Variants in DLGAP2 observed in about 807,000 individuals in gnomAD.
DLGAP2 encodes disks large-associated protein 2.
In DLGAP2, 26 loss-of-function variants were observed where a neutral mutation model predicts 100.3. The ratio of observed to expected loss-of-function variants is 0.26; its 90% CI spans 0.19 to 0.36. The LOEUF (loss-of-function observed/expected upper bound fraction) is 0.36, where lower values mean the gene tolerates loss of function less well. Ranked by LOEUF, DLGAP2 falls within the 10% of genes least tolerant of loss-of-function variation. DLGAP2 has a pLI of 1.00. For missense variants in DLGAP2, 1,858 were observed against 1,453.2 expected, an observed-to-expected ratio of 1.28 and a Z score of -4.53; for synonymous variants, 886 against 630.1, an observed-to-expected ratio of 1.41 and a Z score of -6.08.
intron 2 of DLGAP2, among the ~76,000 whole-genome samples, chr8:926,151 G>A (rs979767008): frequency 2.0e-5 from 3 of 152,156 alleles, no homozygotes; most frequent in African/African-American, 4.8e-5. Flanking sequence ...GACAGTGAGC[G>A]GCTCGCCTGT....
intron 2 of DLGAP2, among the ~76,000 whole-genome samples, chr8:1,026,998 A>G (rs986560727): frequency 6.6e-6 from 1 of 152,284 alleles, no homozygotes; most frequent in African/African-American, 2.4e-5. Flanking sequence ...TTAACCAAAT[A>G]AGAATCACAT....
chr8:1,208,950 C>G (rs1034707356), intron 2 of DLGAP2, among the ~76,000 whole-genome samples: 1 of 151,328 alleles, frequency 6.6e-6, no homozygotes, highest in Admixed American at 6.6e-5. Context: ...TGTGAAAAAC[C>G]TCTACACCTC....
chr8:1,590,320 G>A (rs143511327), intron 6 of DLGAP2, among the ~76,000 whole-genome samples: 351 of 152,272 alleles, frequency 2.3e-3, no homozygotes, highest in African/African-American at 7.7e-3. Flanking sequence ...CAATCGCGTC[G>A]CCAGGATAAT....
chr8:1,603,489 A>C (rs973585546), intron 6 of DLGAP2, among the ~76,000 whole-genome samples: 1 of 150,446 alleles, frequency 6.6e-6, no homozygotes, highest in Non-Finnish European at 1.5e-5. Flanking sequence ...GTTAGAGTGG[A>C]GGATGGGTCT....
intron 2 of DLGAP2, among the ~76,000 whole-genome samples, chr8:1,184,660 C>T (rs543473293): frequency 6.6e-6 from 1 of 152,132 alleles, no homozygotes; most frequent in East Asian, 1.9e-4. Flanking sequence ...AGGCAGCACC[C>T]TCGGAGTTTG....
At chr8:1,008,066 G>C (rs914385860) in intron 2 of DLGAP2, among the ~76,000 whole-genome samples, 1 of 152,198 alleles carries the variant, frequency 6.6e-6, no homozygotes, top group African/African-American at 2.4e-5. Flanking sequence ...CTCCAGGCTA[G>C]AATAAGTTTT....
chr8:820,239 G>A (rs1271745843), intron 1 of DLGAP2, among the ~76,000 whole-genome samples: 1 of 152,196 alleles, frequency 6.6e-6, no homozygotes, highest in Non-Finnish European at 1.5e-5. Context: ...ATTAAAGATA[G>A]TTACTGAAAG....
chr8:1,218,210 T>C (rs1267301285), intron 2 of DLGAP2, among the ~76,000 whole-genome samples: 2 of 152,246 alleles, frequency 1.3e-5, no homozygotes, highest in Non-Finnish European at 2.9e-5. Flanking sequence ...CCAGATTTTT[T>C]ATAGTTTTAG....
chr8:817,013 C>T (rs531115592), intron 1 of DLGAP2, among the ~76,000 whole-genome samples: 17 of 152,154 alleles, frequency 1.1e-4, no homozygotes, highest in South Asian at 2.1e-4. Flanking sequence ...CGGTGGTGGG[C>T]GCCTGTAGTC....
chr8:901,413 A>G (rs959392702), intron 1 of DLGAP2, among the ~76,000 whole-genome samples: 1 of 152,250 alleles, frequency 6.6e-6, no homozygotes, highest in African/African-American at 2.4e-5. Flanking sequence ...CTTTATTGAT[A>G]AAAAGTAAAG....
At chr8:1,258,716 A>C in intron 2 of DLGAP2, 135 bp from the exon 3 acceptor site, 2 of 664,038 alleles carry the variant, frequency 3.0e-6, no homozygotes, top group East Asian at 3.4e-5. Flanking sequence ...TGTTTATGGA[A>C]GGGTCCACTG....
At chr8:1,026,217 G>A (rs941753216) in intron 2 of DLGAP2, among the ~76,000 whole-genome samples, 3 of 152,182 alleles carry the variant, frequency 2.0e-5, no homozygotes, top group African/African-American at 7.2e-5. Flanking sequence ...GTGCTGTCTC[G>A]TTGGTGGAGA....
chr8:915,643 A>G (rs559979024), intron 2 of DLGAP2, among the ~76,000 whole-genome samples: 10 of 152,216 alleles, frequency 6.6e-5, no homozygotes, highest in African/African-American at 2.2e-4. Context: ...GAATTCCCGA[A>G]TCACACGGCT....
At position 1,270,641 on chromosome 8, in the gene DLGAP2, T is replaced by A. The variant is rs567707289; in HGVS notation, c.106+11758T>A. On this transcript the variant is annotated intron_variant, in intron 3 of 14. Coordinates refer to ENST00000637795, the MANE Select transcript of DLGAP2 (RefSeq NM_001346810.2). The stretch of plus-strand genomic sequence containing the variant: ...ACCCTGACGTTCTCCCAGTAAAATT[T>A]CCTTTGCCTTAAAATTGTGTGTCTC... Among the ~76,000 whole-genome samples the A allele has an allele frequency of 1.4e-4, 22 of 152,196 alleles. No homozygotes were observed. In the South Asian group the frequency reaches 3.3e-3, roughly 23 times the overall value.
Position 1,565,707 on chromosome 8 carries a change from T to C in DLGAP2, c.1255T>C (p.Tyr419His). The change falls in exon 6 of 15, where the codon TAC (tyrosine) becomes CAC (histidine). Residue 419 changes from tyrosine (Y) to histidine (H), a missense_variant. Transcript: ENST00000637795. The part of the protein sequence containing the change: ...LQVPQDEWGG[Y>H]PTGGKDEEIP... Reference sequence around the variant, plus strand: ...GGTACCTCAGGATGAGTGGGGAGGGTACCCCACCGGTGGCAAAGATGAGGA... The same window carrying C: ...GGTACCTCAGGATGAGTGGGGAGGGCACCCCACCGGTGGCAAAGATGAGGA... The C allele has an allele frequency of 2.5e-6, 4 of 1,612,852 alleles. No homozygotes were observed. The highest frequency in any genetic ancestry group is 2.2e-5 in the East Asian group (1 of 44,804).
intron 8 of DLGAP2, among the ~76,000 whole-genome samples, chr8:1,648,252 T>A (rs1276373193): frequency 6.6e-6 from 1 of 152,228 alleles, no homozygotes; most frequent in Non-Finnish European, 1.5e-5. Context: ...CTGTTAGCCT[T>A]GGCATCGACT....
intron 3 of DLGAP2, among the ~76,000 whole-genome samples, chr8:1,268,621 T>G (rs995673303): frequency 9.2e-5 from 14 of 152,240 alleles, no homozygotes; most frequent in Non-Finnish European, 5.9e-5. Context: ...CAAGTATCCT[T>G]AAGAGAATTC....
chr8:744,409 G>T (rs1820563714), intron 1 of DLGAP2, among the ~76,000 whole-genome samples: 2 of 152,202 alleles, frequency 1.3e-5, no homozygotes, highest in South Asian at 4.1e-4. Flanking sequence ...GATCTGAATG[G>T]GTGAAGGTGC....
chr8:1,219,660 T>C (rs1420259507), intron 2 of DLGAP2, among the ~76,000 whole-genome samples: 2 of 152,100 alleles, frequency 1.3e-5, no homozygotes, highest in African/African-American at 4.8e-5. Flanking sequence ...CCCTCCTCCT[T>C]GATTTTTTGG....
Sources: gnomAD v4.1 joint callset for allele counts (sites outside exome capture counted in the v4.1 genomes callset) on GRCh38, gnomAD v4.1.1 for gene constraint, MANE v1.5 for transcripts, NCBI Gene and HGNC (gene_info 2026-07-23, HGNC 2026-07-21) for gene names.